ANKS1B: variants seen among roughly 807,000 people sequenced by gnomAD.
The protein encoded by ANKS1B is ankyrin repeat and sterile alpha motif domain containing 1B.
ANKS1B carries 36 observed loss-of-function variants against 148.3 expected under a neutral mutation model. The observed-to-expected ratio is 0.24, with a 90% CI of 0.19 to 0.32. ANKS1B has a LOEUF of 0.32. ANKS1B is among the 10% of genes least tolerant of loss of function. The pLI, the probability that ANKS1B is intolerant of heterozygous loss-of-function variation, is 1.00. For synonymous variants in ANKS1B, 542 were observed against 560.8 expected, an observed-to-expected ratio of 0.97 and a Z score of 0.47; for missense variants, 1,157 against 1,542.6, an observed-to-expected ratio of 0.75 and a Z score of 4.19.
chr12:99,637,479 G>T (rs1023887820), intron 9 of ANKS1B, among the ~76,000 whole-genome samples: 22 of 152,248 alleles, frequency 1.4e-4, no homozygotes, highest in Middle Eastern at 3.4e-3. Context: ...CTGTGAGGGT[G>T]TTGCCAAAGG....
At chr12:98,902,440 T>C (rs951542724) in intron 17 of ANKS1B, among the ~76,000 whole-genome samples, 1 of 152,226 alleles carries the variant, frequency 6.6e-6, no homozygotes, top group African/African-American at 2.4e-5. Flanking sequence ...TTTTACTAAG[T>C]AATTATACAT....
intron 2 of ANKS1B, among the ~76,000 whole-genome samples, chr12:99,816,866 T>C (rs2153672433): frequency 6.6e-6 from 1 of 151,836 alleles, no homozygotes; most frequent in East Asian, 1.9e-4. Context: ...GAAGAGCAGT[T>C]AATATAGTGT....
intron 9 of ANKS1B, among the ~76,000 whole-genome samples, chr12:99,651,814 A>C (rs558416022): frequency 1.3e-5 from 2 of 152,022 alleles, no homozygotes; most frequent in African/African-American, 4.8e-5. Flanking sequence ...AGATTTAAAA[A>C]TTACCATTTG....
At chr12:99,294,471 T>C (rs1193730661) in intron 12 of ANKS1B, among the ~76,000 whole-genome samples, 1 of 152,072 alleles carries the variant, frequency 6.6e-6, no homozygotes, top group Non-Finnish European at 1.5e-5. Context: ...GGAGCTAAAA[T>C]TTAGAACAAT....
In ANKS1B at chr12:99,830,910, C is replaced by T. The variant is rs114366308; in HGVS notation, c.135-5521G>A. On this transcript the variant is annotated intron_variant, in intron 1 of 26. Transcript: ENST00000683438. ...ATTCTCTCTGCCTAGAAAGTTTTTT[C>T]CTCAATCATATGGCTCAATCTTTCT... Among the ~76,000 whole-genome samples, 1,187 of 152,148 alleles carry T rather than the reference C, an allele frequency of 7.8e-3. 15 individuals carry two copies. Among genetic ancestry groups the T allele is most frequent in the African/African-American group, 0.027 (1,120 of 41,530 alleles).
At chr12:99,954,141 G>A (rs933870289) in intron 1 of ANKS1B, among the ~76,000 whole-genome samples, 1 of 152,156 alleles carries the variant, frequency 6.6e-6, no homozygotes, top group African/African-American at 2.4e-5. Context: ...TGGGTATGAG[G>A]TAGGTAATGT....
At chr12:99,244,199 T>G in intron 14 of ANKS1B, 143 bp downstream of exon 14, 1 of 590,282 alleles carries the variant, frequency 1.7e-6, no homozygotes, top group Non-Finnish European at 2.9e-6. Flanking sequence ...TATATGTCAT[T>G]GTTGTTAGAT....
chr12:99,683,433 C>G (rs1278670074), intron 8 of ANKS1B, among the ~76,000 whole-genome samples: 1 of 151,518 alleles, frequency 6.6e-6, no homozygotes, highest in Non-Finnish European at 1.5e-5. Flanking sequence ...AACCAGGAAG[C>G]AATAGAAACT....
chr12:98,774,641 T>C (rs1463965456), intron 24 of ANKS1B, among the ~76,000 whole-genome samples: 1 of 152,224 alleles, frequency 6.6e-6, no homozygotes, highest in Admixed American at 6.5e-5. Flanking sequence ...TTAATTGCGC[T>C]GTCTTAAATA....
rs919411882 is a variant in ANKS1B, at chr12:99,147,565, T to C, written c.2526+6724A>G. Among the ~76,000 whole-genome samples the C allele has an allele frequency of 2.0e-5, 3 of 152,170 alleles. No homozygotes were observed. In the East Asian group the frequency reaches 5.8e-4, roughly 29 times the overall value. On this transcript the variant is annotated intron_variant, in intron 15 of 26. Coordinates refer to ENST00000683438, the MANE Select transcript of ANKS1B (RefSeq NM_001352186.2). ...AATGTGTGCTCTAGAAAGATCACTC[T>C]GGCTGTAGGATAGTTAACATTTACT...
At chr12:99,170,842 G>A (rs879273529) in intron 14 of ANKS1B, among the ~76,000 whole-genome samples, 5 of 152,168 alleles carry the variant, frequency 3.3e-5, no homozygotes, top group Non-Finnish European at 7.4e-5. Flanking sequence ...AGTAAAAAGA[G>A]AAAAAGCAAT....
intron 15 of ANKS1B, among the ~76,000 whole-genome samples, chr12:99,085,269 C>T (rs7970121): frequency 0.57 from 86,562 of 151,504 alleles, 25,386 homozygotes; most frequent in East Asian, 0.75. Context: ...GTTATCTGCA[C>T]TGGAGATTCA....
At chr12:99,905,938 C>T (rs967086102) in intron 1 of ANKS1B, among the ~76,000 whole-genome samples, 1 of 152,132 alleles carries the variant, frequency 6.6e-6, no homozygotes, top group East Asian at 1.9e-4. Flanking sequence ...TAACAAGTAC[C>T]GTCTAGGTAA....
intron 10 of ANKS1B, among the ~76,000 whole-genome samples, chr12:99,491,055 C>T (rs1015133822): frequency 2.9e-4 from 44 of 152,170 alleles, no homozygotes; most frequent in African/African-American, 9.7e-4. Flanking sequence ...TAGTGGCTCA[C>T]GCCTGTAAAC....
At chr12:99,626,196 T>C (rs1304682798) in intron 9 of ANKS1B, among the ~76,000 whole-genome samples, 2 of 152,158 alleles carry the variant, frequency 1.3e-5, no homozygotes, top group East Asian at 1.9e-4. Context: ...AAATATATGT[T>C]GCAAAAATAC....
At chr12:99,814,926 CA>C (rs2068908769) in intron 2 of ANKS1B, among the ~76,000 whole-genome samples, 1 of 151,648 alleles carries the variant, frequency 6.6e-6, no homozygotes, top group South Asian at 2.1e-4. Flanking sequence ...AGAAGTTAGT[CA>C]AATTAAATAC....
chr12:99,958,394 G>T (rs1054123874), intron 1 of ANKS1B, among the ~76,000 whole-genome samples: 2 of 152,140 alleles, frequency 1.3e-5, no homozygotes, highest in Non-Finnish European at 2.9e-5. Flanking sequence ...TTTTTGGGGG[G>T]TTTTTTGAGA....
intron 1 of ANKS1B, among the ~76,000 whole-genome samples, chr12:99,827,732 G>T (rs1240382114): frequency 6.6e-6 from 1 of 151,938 alleles, no homozygotes; most frequent in Admixed American, 6.6e-5. Context: ...CTTTAAAAAG[G>T]CTTCACAAAC....
chr12:98,768,883 G>A (rs1566243702), intron 25 of ANKS1B, among the ~76,000 whole-genome samples: 1 of 39,566 alleles, frequency 2.5e-5, no homozygotes, highest in Non-Finnish European at 4.8e-5. Flanking sequence ...AGCTTCTGTA[G>A]GGGGGGCTCC....
Sources: gnomAD v4.1 joint callset for allele counts (sites outside exome capture counted in the v4.1 genomes callset) on GRCh38, gnomAD v4.1.1 for gene constraint, MANE v1.5 for transcripts, NCBI Gene and HGNC (gene_info 2026-07-23, HGNC 2026-07-21) for gene names.